Variants in KCNH7 observed in about 807,000 individuals in gnomAD.
The protein encoded by KCNH7 is voltage-gated inwardly rectifying potassium channel KCNH7.
In KCNH7, 49 loss-of-function variants were observed where a neutral mutation model predicts 120.8. The observed-to-expected ratio is 0.41, with a 90% CI of 0.32 to 0.51. KCNH7 has a LOEUF of 0.51. Among genes scored for constraint, KCNH7 ranks in the 20% least tolerant of loss-of-function variants. The pLI is 0.38. For synonymous variants in KCNH7, 547 were observed against 516.1 expected (o/e 1.06, Z -0.81); for missense variants, 1,097 against 1,446.6 (o/e 0.76, Z 3.92).
intron 2 of KCNH7, chr2:162,798,073 A>G (rs1684207581): frequency 6.6e-6 from 1 of 152,066 alleles, no homozygotes; most frequent in Admixed American, 6.6e-5. Flanking sequence ...AAGTAAATAT[A>G]CATTTATCTG....
At chr2:162,404,155 C>A (rs138543388) in intron 9 of KCNH7, among the ~76,000 whole-genome samples, 1 of 151,862 alleles carries the variant, frequency 6.6e-6, no homozygotes, top group Non-Finnish European at 1.5e-5. Flanking sequence ...TATGTCAGGA[C>A]GCATGCTGAT....
At chr2:162,724,445 G>A (rs965442269) in intron 2 of KCNH7, among the ~76,000 whole-genome samples, 6 of 151,926 alleles carry the variant, frequency 3.9e-5, no homozygotes, top group African/African-American at 1.5e-4. Context: ...GGCCGAGGCG[G>A]GCGGATCACG....
At chr2:162,577,348 CCTAT>C (rs71009364) in intron 2 of KCNH7, among the ~76,000 whole-genome samples, 15,306 of 131,188 alleles carry the variant, frequency 0.12, 903 homozygotes, top group Non-Finnish European at 0.13. Flanking sequence ...ATCTATCCAT[CCTAT>C]CTATCTATCT....
intron 2 of KCNH7, among the ~76,000 whole-genome samples, chr2:162,755,472 AAAAACAAAAC>A (rs375275907): frequency 6.6e-6 from 1 of 152,136 alleles, no homozygotes; most frequent in Non-Finnish European, 1.5e-5. Context: ...ACTCCATCTC[AAAAACAAAAC>A]AAAACAAAAC....
intron 2 of KCNH7, among the ~76,000 whole-genome samples, chr2:162,671,483 CT>C (rs1216783426): frequency 2.0e-5 from 3 of 151,250 alleles, no homozygotes; most frequent in Non-Finnish European, 4.4e-5. Context: ...GCTGCATGTT[CT>C]TATTTGTGAG....
chr2:162,683,937 T>A (rs1289468280), intron 2 of KCNH7, among the ~76,000 whole-genome samples: 1 of 152,032 alleles, frequency 6.6e-6, no homozygotes, highest in East Asian at 1.9e-4. Flanking sequence ...ACTACCTGAC[T>A]TCTAACTATA....
At chr2:162,658,562 G>A (rs1378417488) in intron 2 of KCNH7, among the ~76,000 whole-genome samples, 3 of 152,078 alleles carry the variant, frequency 2.0e-5, no homozygotes, top group Admixed American at 6.6e-5. Flanking sequence ...TTGAGATTGT[G>A]CTGGTTTCAC....
At chr2:162,532,994 A>G (rs893157668) in intron 3 of KCNH7, among the ~76,000 whole-genome samples, 1 of 151,918 alleles carries the variant, frequency 6.6e-6, no homozygotes, top group African/African-American at 2.4e-5. Flanking sequence ...GAAGCAGAAG[A>G]AAAGGATTAT....
At chr2:162,644,088 C>G (rs1425403577) in intron 2 of KCNH7, among the ~76,000 whole-genome samples, 1 of 151,916 alleles carries the variant, frequency 6.6e-6, no homozygotes, top group Admixed American at 6.6e-5. Context: ...CCTCCTACCC[C>G]CGCCCCCCAC....
At chr2:162,392,847 G>A (rs977633551) in intron 12 of KCNH7, among the ~76,000 whole-genome samples, 1 of 151,766 alleles carries the variant, frequency 6.6e-6, no homozygotes. Context: ...GATGTCCTTA[G>A]AGGGCTTTGA....
intron 2 of KCNH7, among the ~76,000 whole-genome samples, chr2:162,675,956 T>C (rs1685517924): frequency 6.6e-6 from 1 of 151,486 alleles, no homozygotes; most frequent in Admixed American, 6.6e-5. Context: ...TATATGTCTG[T>C]TTACTGCTGG....
At chr2:162,420,837 C>T (rs927229777) in intron 9 of KCNH7, among the ~76,000 whole-genome samples, 4 of 151,762 alleles carry the variant, frequency 2.6e-5, no homozygotes, top group South Asian at 2.1e-4. Context: ...TTATGTGTGA[C>T]GATACATAAA....
intron 2 of KCNH7, among the ~76,000 whole-genome samples, chr2:162,789,849 G>A (rs1025213033): frequency 2.2e-4 from 33 of 151,944 alleles, no homozygotes; most frequent in African/African-American, 6.7e-4. Context: ...AGCAAAACCA[G>A]TTCTAAGAGG....
At chr2:162,383,477 A>G (rs988657105) in intron 13 of KCNH7, among the ~76,000 whole-genome samples, 3 of 151,954 alleles carry the variant, frequency 2.0e-5, no homozygotes, top group African/African-American at 7.2e-5. Flanking sequence ...GGTCATGAAA[A>G]AAGTGGGTGC....
intron 3 of KCNH7, among the ~76,000 whole-genome samples, chr2:162,525,427 G>A (rs1208905992): frequency 6.6e-6 from 1 of 151,836 alleles, no homozygotes; most frequent in African/African-American, 2.4e-5. Flanking sequence ...ACATGAATTT[G>A]GATAAGGGAG....
chr2:162,526,151 G>C (rs557605464), intron 3 of KCNH7, among the ~76,000 whole-genome samples: 12 of 151,990 alleles, frequency 7.9e-5, no homozygotes, highest in Non-Finnish European at 1.6e-4. Flanking sequence ...AAACCAGCAA[G>C]TTTTTATTAG....
chr2:162,418,618 G>A (rs1687606858), intron 9 of KCNH7, among the ~76,000 whole-genome samples: 2 of 152,090 alleles, frequency 1.3e-5, no homozygotes, highest in Admixed American at 1.3e-4. Context: ...CCCAGATGAA[G>A]TCTTTTAAAT....
chr2:162,591,830 T>C (rs1694225291), intron 2 of KCNH7, among the ~76,000 whole-genome samples: 1 of 152,114 alleles, frequency 6.6e-6, no homozygotes, highest in African/African-American at 2.4e-5. Flanking sequence ...ATTTTTCTAC[T>C]CAAGAGTCAA....
At chr2:162,612,258 G>A (rs1682994334) in intron 2 of KCNH7, among the ~76,000 whole-genome samples, 2 of 152,106 alleles carry the variant, frequency 1.3e-5, no homozygotes, top group Admixed American at 1.3e-4. Flanking sequence ...GCAACTAAGA[G>A]GATTGAATAT....
Sources: allele counts gnomAD v4.1 joint callset (sites outside exome capture counted in the v4.1 genomes callset), GRCh38; gene constraint gnomAD v4.1.1; transcripts MANE v1.5; gene names NCBI Gene and HGNC (gene_info 2026-07-23, HGNC 2026-07-21).